NOX4: variants seen among roughly 807,000 people sequenced by gnomAD.
The protein encoded by NOX4 is kidney oxidase-1.
Under a neutral mutation model 87.6 loss-of-function variants are expected in NOX4, and 69 were observed. The ratio of observed to expected loss-of-function variants is 0.79; its 90% CI spans 0.65 to 0.96. The LOEUF is 0.96. Among genes scored for constraint, NOX4 ranks in the 40% least tolerant of loss-of-function variants. The pLI, the probability that NOX4 is intolerant of heterozygous loss-of-function variation, is 0.00. For missense variants in NOX4, 680 were observed against 681.5 expected, an observed-to-expected ratio of 1.00 and a Z score of 0.02; for synonymous variants, 275 against 238.2, an observed-to-expected ratio of 1.15 and a Z score of -1.42.
At chr11:89,397,978 C>T (rs1163189289) in intron 11 of NOX4, among the ~76,000 whole-genome samples, 3 of 151,870 alleles carry the variant, frequency 2.0e-5, no homozygotes, top group African/African-American at 2.4e-5. Context: ...AGGCCAGCAC[C>T]ATCCTGATAC....
intron 1 of NOX4, 94 bp from the exon 2 acceptor site, chr11:89,490,647 C>G (rs749569904): frequency 1.1e-6 from 1 of 871,410 alleles, no homozygotes; most frequent in Non-Finnish European, 1.9e-6. Context: ...CGACACAGTG[C>G]TTTCAATGGA....
intron 2 of NOX4, among the ~76,000 whole-genome samples, chr11:89,486,858 C>T (rs907048174): frequency 6.6e-6 from 1 of 151,816 alleles, no homozygotes; most frequent in African/African-American, 2.4e-5. Context: ...CACAACTTCC[C>T]ATCCTTTGAC....
intron 13 of NOX4, among the ~76,000 whole-genome samples, chr11:89,349,324 A>T (rs1946353687): frequency 6.8e-6 from 1 of 146,906 alleles, no homozygotes; most frequent in African/African-American, 2.7e-5. Flanking sequence ...AAATAAAATA[A>T]AATAACTTGG....
At chr11:89,573,500 A>C in the NOX4 span, among the ~76,000 whole-genome samples, 1 of 152,174 alleles carries the variant, frequency 6.6e-6, no homozygotes, top group Non-Finnish European at 1.5e-5. Flanking sequence ...GATCGCCCAC[A>C]TGACTCAAAC....
intron 2 of NOX4, among the ~76,000 whole-genome samples, chr11:89,487,904 C>G (rs144772311): frequency 6.6e-6 from 1 of 152,152 alleles, no homozygotes; most frequent in East Asian, 1.9e-4. Flanking sequence ...AAGCCTAGGA[C>G]ATAAAATTAA....
At chr11:89,438,841 A>G (rs371609485) in intron 6 of NOX4, among the ~76,000 whole-genome samples, 1 of 38,022 alleles carries the variant, frequency 2.6e-5, no homozygotes, top group Non-Finnish European at 3.7e-5. Flanking sequence ...TATATATTAT[A>G]TATATTATAT....
At chr11:89,358,706 G>A (rs1268151868) in intron 12 of NOX4, among the ~76,000 whole-genome samples, 1 of 150,378 alleles carries the variant, frequency 6.6e-6, no homozygotes, top group Non-Finnish European at 1.5e-5. Context: ...GCATCCTGTT[G>A]TCTATTTGAT....
intron 3 of NOX4, among the ~76,000 whole-genome samples, chr11:89,450,340 C>G (rs1321472273): frequency 6.6e-6 from 1 of 152,132 alleles, no homozygotes; most frequent in Non-Finnish European, 1.5e-5. Flanking sequence ...ATTCATAGAA[C>G]ATCAAAGTGA....
the NOX4 span, among the ~76,000 whole-genome samples, chr11:89,530,055 G>A: frequency 6.6e-6 from 1 of 151,906 alleles, no homozygotes; most frequent in Non-Finnish European, 1.5e-5. Flanking sequence ...AAACATCACA[G>A]TAGTTATTAA....
At chr11:89,575,733 C>G in the NOX4 span, among the ~76,000 whole-genome samples, 2 of 151,882 alleles carry the variant, frequency 1.3e-5, no homozygotes, top group East Asian at 3.9e-4. Flanking sequence ...CCTTCTTTTT[C>G]CTTCTCCCTC....
the NOX4 span, among the ~76,000 whole-genome samples, chr11:89,520,970 A>G: frequency 6.6e-6 from 1 of 152,188 alleles, no homozygotes; most frequent in Non-Finnish European, 1.5e-5. Flanking sequence ...ATACCTAGGA[A>G]TACGTCTAAG....
At chr11:89,531,969 T>G in the NOX4 span, among the ~76,000 whole-genome samples, 3 of 152,122 alleles carry the variant, frequency 2.0e-5, no homozygotes, top group Non-Finnish European at 4.4e-5. Flanking sequence ...GCAGCTTCCG[T>G]GTGGTGTGGG....
rs572111247 is a variant in NOX4, at chr11:89,355,227, T to C, written c.1136-184A>G. ...TATACATAGTGTATGTATGTGTGTG[T>C]GTGTATATATATATAGATGGATTAT... On this transcript the variant is annotated intron_variant, in intron 12 of 17. Coordinates refer to ENST00000263317, the MANE Select transcript of NOX4 (RefSeq NM_016931.5). Among the ~76,000 whole-genome samples, 209 of 150,664 alleles carry C rather than the reference T, an allele frequency of 1.4e-3. 1 individual carries two copies. Among genetic ancestry groups the C allele is most frequent in the Middle Eastern group, 3.5e-3 (1 of 282 alleles).
intron 13 of NOX4, among the ~76,000 whole-genome samples, chr11:89,351,992 G>A (rs1946475596): frequency 6.6e-6 from 1 of 152,154 alleles, no homozygotes. Flanking sequence ...TACCCTGAAT[G>A]AAATAACTCA....
chr11:89,336,457 C>T (rs1423268695), intron 16 of NOX4, among the ~76,000 whole-genome samples: 1 of 151,878 alleles, frequency 6.6e-6, no homozygotes, highest in Non-Finnish European at 1.5e-5. Context: ...AAATTGTCAT[C>T]GTAAATTTGG....
At chr11:89,339,086 A>G (rs535517145) in intron 15 of NOX4, among the ~76,000 whole-genome samples, 1 of 152,310 alleles carries the variant, frequency 6.6e-6, no homozygotes, top group Admixed American at 6.5e-5. Flanking sequence ...TATACACTGA[A>G]TGATAGAATG....
the NOX4 span, among the ~76,000 whole-genome samples, chr11:89,517,474 T>TATTC: frequency 1.3e-5 from 2 of 152,002 alleles, no homozygotes; most frequent in Non-Finnish European, 2.9e-5. Flanking sequence ...TTTATTTATT[T>TATTC]ATTCATTTTT....
the NOX4 span, among the ~76,000 whole-genome samples, chr11:89,522,531 T>C: frequency 7.9e-5 from 12 of 152,238 alleles, no homozygotes; most frequent in East Asian, 2.3e-3. Context: ...AAACCAACTA[T>C]TGAATACTAC....
intron 4 of NOX4, 81 bp downstream of exon 4, chr11:89,449,359 G>C (rs1384356014): frequency 9.5e-7 from 1 of 1,055,160 alleles, no homozygotes; most frequent in Non-Finnish European, 1.4e-6. Context: ...AACTTTCTCT[G>C]ATCATTCTGT....
Sources: gnomAD v4.1 joint callset for allele counts (sites outside exome capture counted in the v4.1 genomes callset) on GRCh38, gnomAD v4.1.1 for gene constraint, MANE v1.5 for transcripts, NCBI Gene and HGNC (gene_info 2026-07-23, HGNC 2026-07-21) for gene names.